The following MAU2 variants were observed in gnomAD, a reference collection of about 807,000 sequenced individuals.
MAU2 encodes the protein MAU2 sister chromatid cohesion factor.
MAU2 carries 9 observed loss-of-function variants against 89.1 expected under a neutral mutation model. The observed-to-expected ratio is 0.10, with a 90% CI of 0.06 to 0.18. MAU2 has a LOEUF of 0.18. Among genes scored for constraint, MAU2 ranks in the 10% least tolerant of loss-of-function variants. MAU2 has a pLI of 1.00. For synonymous variants in MAU2, 357 were observed against 343.4 expected (o/e 1.04, Z -0.44); for missense variants, 425 against 803.5 (o/e 0.53, Z 5.69).
At chr19:19,327,809 T>C (rs1176607113) in intron 1 of MAU2, among the ~76,000 whole-genome samples, 1 of 152,106 alleles carries the variant, frequency 6.6e-6, no homozygotes, top group Non-Finnish European at 1.5e-5. Flanking sequence ...TTACAGTGCA[T>C]GGCAGGACAC....
chr19:19,330,345 G>A (rs577331820), intron 1 of MAU2, among the ~76,000 whole-genome samples: 3 of 151,222 alleles, frequency 2.0e-5, no homozygotes, highest in African/African-American at 7.3e-5. Context: ...CTGTAATCCC[G>A]GCACTTTGGG....
rs756704019 is a variant in MAU2 at position 19,330,508 on chromosome 19, AGGCG to A, written c.277-5207_277-5204del. Reference sequence around the variant, plus strand: ...GTAATCCCAGCACTTTGGGAGGCCAAGGCGGGTGCATCACCTGAGGTCAGGAGTT... The same window carrying A: ...GTAATCCCAGCACTTTGGGAGGCCAAGGTGCATCACCTGAGGTCAGGAGTT... On this transcript the variant is annotated intron_variant, in intron 1 of 18. Coordinates refer to ENST00000262815, the MANE Select transcript of MAU2 (RefSeq NM_015329.4). Among the ~76,000 whole-genome samples, 72 of 152,318 alleles carry A rather than the reference AGGCG, an allele frequency of 4.7e-4. No homozygotes were observed. In the South Asian group the frequency reaches 5.0e-3, roughly 11 times the overall value.
At chr19:19,348,777 A>G in intron 13 of MAU2, 112 bp from the exon 14 acceptor site, 1 of 1,165,496 alleles carries the variant, frequency 8.6e-7, no homozygotes, top group African/African-American at 1.5e-5. Context: ...CTCAGCCTGG[A>G]GGCCACAGTC....
chr19:19,341,093 G>A (rs574001816), intron 6 of MAU2, among the ~76,000 whole-genome samples, 159 bp from the exon 7 acceptor site: 2 of 152,342 alleles, frequency 1.3e-5, no homozygotes, highest in African/African-American at 2.4e-5. Flanking sequence ...TGAGGCAAGA[G>A]CCTGGTTAGG....
Position 19,326,312 on chromosome 19 carries a change from T to C in MAU2, c.276+5177T>C, listed in dbSNP as rs78577419. ...TCACACCTGCAATCCCAAGACTTTG[T>C]GAGGCCAAAGTGGGCAGATTGCTTA... On this transcript the variant is annotated intron_variant, in intron 1 of 18. Transcript: ENST00000262815. Among the ~76,000 whole-genome samples, 1,063 of 151,990 alleles carry C rather than the reference T, an allele frequency of 7.0e-3. 8 individuals are homozygous for C. The highest frequency in any genetic ancestry group is 0.017 in the Middle Eastern group (5 of 292).
chr19:19,321,261 C>T (rs1056153976), intron 1 of MAU2, 126 bp downstream of exon 1: 3 of 1,138,160 alleles, frequency 2.6e-6, no homozygotes, highest in South Asian at 3.6e-5. Context: ...TCCGTCAAAG[C>T]CGCAGGACCC....
At chr19:19,338,732 G>T in intron 4 of MAU2, 113 bp from the exon 5 acceptor site, 1 of 696,786 alleles carries the variant, frequency 1.4e-6, no homozygotes, top group Admixed American at 3.0e-5. Context: ...ACTGACACAG[G>T]CAGTTTCACT....
At chr19:19,339,401 C>T (rs921678112) in intron 5 of MAU2, among the ~76,000 whole-genome samples, 3 of 151,698 alleles carry the variant, frequency 2.0e-5, no homozygotes, top group African/African-American at 7.3e-5. Flanking sequence ...GAGCCAAGAT[C>T]ATGCCACTGT....
chr19:19,339,991 C>T (rs1428038489), intron 5 of MAU2, among the ~76,000 whole-genome samples: 2 of 151,610 alleles, frequency 1.3e-5, no homozygotes, highest in Non-Finnish European at 2.9e-5. Context: ...TGGTGAAACC[C>T]CGTCTCTACT....
chr19:19,322,405 C>G (rs545297425), intron 1 of MAU2, among the ~76,000 whole-genome samples: 2 of 152,270 alleles, frequency 1.3e-5, no homozygotes, highest in African/African-American at 4.8e-5. Flanking sequence ...TTGAGACCAG[C>G]CTGGGCAACA....
chr19:19,338,144 A>AGTACGT (rs2061612355), intron 4 of MAU2, among the ~76,000 whole-genome samples: 1 of 152,200 alleles, frequency 6.6e-6, no homozygotes, highest in South Asian at 2.1e-4. Context: ...GGCTGAGAAA[A>AGTACGT]GTACGCACAG....
intron 1 of MAU2, 67 bp from the exon 2 acceptor site, chr19:19,335,637 CTGTGGAAGCCCCAG>C (rs1292550619): frequency 6.9e-7 from 1 of 1,447,844 alleles, no homozygotes; most frequent in Non-Finnish European, 9.7e-7. Flanking sequence ...TCAGGACAAC[CTGTGGAAGCCCCAG>C]AGCGAGCCAG....
intron 1 of MAU2, among the ~76,000 whole-genome samples, chr19:19,327,441 T>C (rs1023493688): frequency 6.6e-6 from 1 of 152,034 alleles, no homozygotes; most frequent in Non-Finnish European, 1.5e-5. Flanking sequence ...TTCTCCTGCC[T>C]CAGCCTCCTG....
rs372716996 is a variant in MAU2 at position 19,343,788 on chromosome 19, C to T, written c.974-49C>T. 1.1e-4 allele frequency: 157 copies of T among 1,427,066 alleles called. 1 individual carries two copies. Among genetic ancestry groups the T allele is most frequent in the South Asian group, 7.9e-4 (69 of 87,294 alleles). The allele number at this position is 1,427,066 out of a possible 1,614,324, so 88.4% of individuals were successfully genotyped here. ...TGGGGGCACGGTGGGCTGGGGGTGG[C>T]GCCTCCTCTGGCCTCCCCTGCATGC... is the stretch of plus-strand genomic sequence containing the variant. On this transcript the variant is annotated intron_variant, in intron 9 of 18. Transcript: ENST00000262815.
intron 1 of MAU2, among the ~76,000 whole-genome samples, chr19:19,332,131 T>C (rs1321722682): frequency 1.3e-5 from 2 of 152,162 alleles, no homozygotes; most frequent in African/African-American, 4.8e-5. Flanking sequence ...GCTGCAGGCA[T>C]TGCAGCCACA....
In MAU2 at chr19:19,345,679, T is replaced by C. The variant is rs535927497; in HGVS notation, c.1221+310T>C. On this transcript the variant is annotated intron_variant, in intron 12 of 18. Transcript: ENST00000262815. This position sits in a 1 kb window ranked among gnomAD's most constrained non-coding sequence, Gnocchi z 4.9. ...CTTTTGCGGCACCCACCCCCAAGGC[T>C]GGATTGGCTCAAGTGTCAGCTGACA... 6.6e-6 allele frequency among the ~76,000 whole-genome samples: 1 copy of C among 152,288 alleles called. No homozygotes were observed. The highest frequency in any genetic ancestry group is 1.9e-4 in the East Asian group (1 of 5,178).
chr19:19,340,496 G>A (rs1238312953), intron 5 of MAU2, among the ~76,000 whole-genome samples: 25 of 148,916 alleles, frequency 1.7e-4, no homozygotes, highest in Admixed American at 1.3e-3. Context: ...AAAATTAGCC[G>A]GGCGTGGTGG....
intron 4 of MAU2, among the ~76,000 whole-genome samples, chr19:19,338,202 A>AG (rs766922662): frequency 6.6e-6 from 1 of 152,176 alleles, no homozygotes; most frequent in Non-Finnish European, 1.5e-5. Context: ...CTCCTCCCCC[A>AG]GGCCTGATGA....
intron 10 of MAU2, chr19:19,344,590 C>T (rs2061679161): frequency 3.6e-6 from 2 of 557,300 alleles, no homozygotes; most frequent in Non-Finnish European, 6.5e-6. Context: ...TGGGGGCCCT[C>T]AGTAGGCTGG....
Sources: allele counts gnomAD v4.1 joint callset (sites outside exome capture counted in the v4.1 genomes callset), GRCh38; gene constraint gnomAD v4.1.1; non-coding constraint Gnocchi (gnomAD v3.1); transcripts MANE v1.5; gene names NCBI Gene and HGNC (gene_info 2026-07-23, HGNC 2026-07-21).